ANKRD45: variants seen among roughly 807,000 people sequenced by gnomAD.
ANKRD45 encodes ankyrin repeat domain 45.
In ANKRD45, 21 loss-of-function variants were observed where a neutral mutation model predicts 28.1. The ratio of observed to expected loss-of-function variants is 0.75; its 90% confidence interval spans 0.53 to 1.08. ANKRD45 has a LOEUF of 1.08. ANKRD45 is among the 50% of genes least tolerant of loss of function. ANKRD45 has a pLI of 0.00. For synonymous variants in ANKRD45, 86 were observed against 103.9 expected (o/e 0.83, Z 1.05); for missense variants, 261 against 308.7 (o/e 0.85, Z 1.16).
chr1:173,714,735 C>T, the ANKRD45 span, among the ~76,000 whole-genome samples: 17 of 152,214 alleles, frequency 1.1e-4, no homozygotes, highest in South Asian at 2.1e-4. Flanking sequence ...CTTCAGTATT[C>T]AAATACTGCC....
intron 5 of ANKRD45, among the ~76,000 whole-genome samples, chr1:173,620,012 T>C (rs996923583): frequency 6.6e-6 from 1 of 152,068 alleles, no homozygotes; most frequent in African/African-American, 2.4e-5. Flanking sequence ...AATGGGAGAC[T>C]TTAACACCCC....
intron 5 of ANKRD45, among the ~76,000 whole-genome samples, chr1:173,616,974 G>T (rs1241774543): frequency 6.6e-6 from 1 of 152,056 alleles, no homozygotes; most frequent in South Asian, 2.1e-4. Flanking sequence ...GTGATTGTGC[G>T]ACCACTCACA....
chr1:173,708,864 G>T, the ANKRD45 span, among the ~76,000 whole-genome samples: 1 of 152,164 alleles, frequency 6.6e-6, no homozygotes, highest in African/African-American at 2.4e-5. Flanking sequence ...CAGATTACAG[G>T]ATTAGCACTG....
At chr1:173,682,849 T>G in the ANKRD45 span, among the ~76,000 whole-genome samples, 1 of 152,210 alleles carries the variant, frequency 6.6e-6, no homozygotes, top group East Asian at 1.9e-4. Context: ...GTACAGCCAT[T>G]GCTCTTTCAG....
chr1:173,637,443 T>G lies in ANKRD45; in HGVS notation c.496+9403A>C, dbSNP rs530317878. Among the ~76,000 whole-genome samples, 12 of 152,362 alleles carry G rather than the reference T, an allele frequency of 7.9e-5. No homozygotes were observed. The East Asian group carries it at 2.3e-3, about 29-fold the overall frequency. On this transcript the variant is annotated intron_variant, in intron 3 of 5. Coordinates refer to ENST00000333279, the MANE Select transcript of ANKRD45 (RefSeq NM_198493.3). ...CACATTTTAGCATAGGTATTTGCCC[T>G]GGCATGCCTGAATAGGTCCAAGCAA...
chr1:173,709,518 A>T, the ANKRD45 span, among the ~76,000 whole-genome samples: 1 of 152,186 alleles, frequency 6.6e-6, no homozygotes, highest in South Asian at 2.1e-4. Flanking sequence ...AAAGGAGGGG[A>T]TTACATGAGG....
the ANKRD45 span, among the ~76,000 whole-genome samples, chr1:173,699,393 C>A: frequency 6.6e-5 from 10 of 152,246 alleles, no homozygotes; most frequent in African/African-American, 2.2e-4. Flanking sequence ...AGACCAATAT[C>A]CCTGATGAAC....
At chr1:173,652,766 AT>A (rs1209693263) in intron 2 of ANKRD45, among the ~76,000 whole-genome samples, 2 of 152,164 alleles carry the variant, frequency 1.3e-5, no homozygotes, top group Non-Finnish European at 2.9e-5. Context: ...TACTGCCTCA[AT>A]TTCAGATCCT....
upstream of ANKRD45, among the ~76,000 whole-genome samples, chr1:173,671,716 CA>C (rs775239271): frequency 7.4e-3 from 946 of 128,548 alleles, 2 homozygotes; most frequent in South Asian, 0.014. Context: ...TAAAAAATAC[CA>C]AAAAAAAAAA....
chr1:173,691,024 C>T, the ANKRD45 span, among the ~76,000 whole-genome samples: 1 of 152,202 alleles, frequency 6.6e-6, no homozygotes, highest in Non-Finnish European at 1.5e-5. Flanking sequence ...GTTCAATCCC[C>T]CCCAGTGGGG....
chr1:173,699,287 A>G, the ANKRD45 span, among the ~76,000 whole-genome samples: 1 of 152,340 alleles, frequency 6.6e-6, no homozygotes, highest in Non-Finnish European at 1.5e-5. Context: ...ATTCCAATCA[A>G]TAGAAAAAGA....
chr1:173,610,799 A>G (rs2102304358), intron 5 of ANKRD45, among the ~76,000 whole-genome samples: 1 of 152,308 alleles, frequency 6.6e-6, no homozygotes, highest in South Asian at 2.1e-4. Flanking sequence ...TCTAAAAAAA[A>G]AATTGTAATT....
At chr1:173,691,351 G>A in the ANKRD45 span, among the ~76,000 whole-genome samples, 1 of 152,196 alleles carries the variant, frequency 6.6e-6, no homozygotes, top group Non-Finnish European at 1.5e-5. Flanking sequence ...ACCTCCTCAC[G>A]AGAGTGAACC....
intron 3 of ANKRD45, among the ~76,000 whole-genome samples, chr1:173,636,653 C>T (rs1668458073): frequency 6.6e-6 from 1 of 152,132 alleles, no homozygotes; most frequent in African/African-American, 2.4e-5. Flanking sequence ...GCACTTATAC[C>T]TTACTTCTAT....
At chr1:173,705,341 T>C in the ANKRD45 span, among the ~76,000 whole-genome samples, 1 of 151,320 alleles carries the variant, frequency 6.6e-6, no homozygotes, top group African/African-American at 2.4e-5. Context: ...TAAAAATAAA[T>C]ATTAAGTAAA....
chr1:173,672,601 T>C (rs12088388), upstream of ANKRD45, among the ~76,000 whole-genome samples: 1 of 152,292 alleles, frequency 6.6e-6, no homozygotes, highest in African/African-American at 2.4e-5. Context: ...AATGCTAATA[T>C]TAGAAAGGTA....
Position 173,621,009 on chromosome 1 carries a change from C to T in ANKRD45, c.730+3778G>A, listed in dbSNP as rs1379893994. Among the ~76,000 whole-genome samples, 2 of 152,112 alleles carry T rather than the reference C, an allele frequency of 1.3e-5. 1 individual carries two copies. On this transcript the variant is annotated intron_variant, in intron 5 of 5. Coordinates refer to ENST00000333279, the MANE Select transcript of ANKRD45 (RefSeq NM_198493.3). The stretch of plus-strand genomic sequence containing the variant: ...ACTGATTCCACATCAAAACAACCAT[C>T]AGACAAACTATAAACAATTCTATGA...
intron 3 of ANKRD45, chr1:173,636,766 C>CTATAGTATAGTTAATAA: frequency 5.2e-6 from 6 of 1,146,844 alleles, no homozygotes; most frequent in Non-Finnish European, 7.4e-6. Flanking sequence ...ATTAACTATA[C>CTATAGTATAGTTAATAA]TATAGTATTG....
chr1:173,703,618 A>G, the ANKRD45 span, among the ~76,000 whole-genome samples: 4 of 152,208 alleles, frequency 2.6e-5, no homozygotes, highest in East Asian at 1.9e-4. Context: ...TTGTGTGTCT[A>G]TGTAAATTCT....
Sources: allele counts gnomAD v4.1 joint callset (sites outside exome capture counted in the v4.1 genomes callset), GRCh38; gene constraint gnomAD v4.1.1; transcripts MANE v1.5; gene names NCBI Gene and HGNC (gene_info 2026-07-23, HGNC 2026-07-21).